The following NEDD1 variants were observed in gnomAD, a reference collection of about 807,000 sequenced individuals.
NEDD1 encodes the protein protein NEDD1.
In NEDD1, 33 loss-of-function variants were observed where a neutral mutation model predicts 74.0. The observed-to-expected ratio is 0.45, with a 90% confidence interval of 0.34 to 0.60. The LOEUF (loss-of-function observed/expected upper bound fraction) is 0.60. Among genes scored for constraint, NEDD1 ranks in the 20% least tolerant of loss-of-function variants. The probability of loss-of-function intolerance (pLI) is 0.01; values close to 1 mark genes in which losing one functional copy is unlikely to be tolerated. For missense variants in NEDD1, 746 were observed against 776.5 expected, an observed-to-expected ratio of 0.96 and a Z score of 0.47; for synonymous variants, 250 against 264.4, an observed-to-expected ratio of 0.95 and a Z score of 0.53.
At chr12:96,916,497 T>G (rs1054639611) in intron 4 of NEDD1, among the ~76,000 whole-genome samples, 1 of 132,734 alleles carries the variant, frequency 7.5e-6, no homozygotes, top group African/African-American at 2.9e-5. Context: ...TGAGTGAGAA[T>G]ATGCGGTGTT....
intron 9 of NEDD1, among the ~76,000 whole-genome samples, chr12:96,939,521 T>C (rs1026298716): frequency 6.6e-6 from 1 of 152,064 alleles, no homozygotes; most frequent in Non-Finnish European, 1.5e-5. Flanking sequence ...GTTCTTTGTT[T>C]TCATCTCAGA....
At position 96,937,184 on chromosome 12, in the gene NEDD1, C is replaced by T. The variant is rs1288650342; in HGVS notation, c.922-14C>T. 3.3e-6 allele frequency: 5 copies of T among 1,492,626 alleles called. No individual in the cohort carries two copies. Among genetic ancestry groups the T allele is most frequent in the African/African-American group, 1.4e-5 (1 of 70,606 alleles). The allele number at this position is 1,492,626 out of a possible 1,614,324, so 92.5% of individuals were successfully genotyped here. On this transcript the variant is annotated splice_polypyrimidine_tract_variant and intron_variant, in intron 8 of 15. Coordinates refer to ENST00000266742, the MANE Select transcript of NEDD1 (RefSeq NM_152905.4). ...TTAGTAACCTGAGCTTTTAAATATT[C>T]CATTACATTTCAGTCAAGTTTAAAT...
chr12:96,933,709 T>G (rs1286734795), intron 6 of NEDD1, among the ~76,000 whole-genome samples: 2 of 152,178 alleles, frequency 1.3e-5, no homozygotes, highest in African/African-American at 4.8e-5. Context: ...CTAGACATTT[T>G]TTGTTGTTGT....
chr12:96,932,515 T>TTA (rs1408391711), intron 6 of NEDD1, among the ~76,000 whole-genome samples: 1 of 97,916 alleles, frequency 1.0e-5, no homozygotes, highest in Admixed American at 1.3e-4. Context: ...GTAAATATAT[T>TTA]TATATATATA....
intron 9 of NEDD1, among the ~76,000 whole-genome samples, chr12:96,937,607 A>G (rs1449092056): frequency 1.3e-5 from 2 of 152,110 alleles, no homozygotes; most frequent in Non-Finnish European, 2.9e-5. Flanking sequence ...CTTATTGTTT[A>G]GCTAAACTTC....
chr12:96,930,203 ACACACACACTCTCTCTCTCTCTCT>A (rs1222051108), intron 6 of NEDD1, among the ~76,000 whole-genome samples: 2 of 67,236 alleles, frequency 3.0e-5, no homozygotes, highest in African/African-American at 1.1e-4. Context: ...ACACACACAC[ACACACACACTCTCTCTCTCTCTCT>A]CTCTCTCTCT....
Position 96,945,868 on chromosome 12 carries a change from C to T in NEDD1, c.1811+19C>T, listed in dbSNP as rs751820965. 14 of 1,518,892 alleles carry T rather than the reference C, an allele frequency of 9.2e-6. No individual in the cohort carries two copies. The highest frequency in any genetic ancestry group is 1.2e-5 in the Non-Finnish European group (13 of 1,099,338). 94.1% of individuals were successfully genotyped at this position (1,518,892 alleles called of 1,614,324 possible). On this transcript the variant is annotated intron_variant, in intron 14 of 15. Coordinates refer to ENST00000266742, the MANE Select transcript of NEDD1 (RefSeq NM_152905.4). ...ACTTTAGGTAGTAATTGAGAAACTA[C>T]TCCTTCTATCTAGACCTTACTTGTT...
In NEDD1 at chr12:96,907,541, T is replaced by A. The variant is rs1592845255; in HGVS notation, c.-261-63T>A. 9.8e-6 allele frequency: 14 copies of A among 1,432,574 alleles called. 1 individual carries two copies. The East Asian group carries it at 3.5e-4, about 36-fold the overall frequency. 88.7% of individuals were successfully genotyped at this position (1,432,574 alleles called of 1,614,324 possible). On this transcript the variant is annotated intron_variant, in intron 1 of 15. Coordinates refer to ENST00000266742, the MANE Select transcript of NEDD1 (RefSeq NM_152905.4). Reference sequence around the variant, plus strand: ...TGTGGGGTGTGCTGCCTCCGAAAAGTTTGCCTCGTCTCCACAAGTCTGTCT... The same window carrying A: ...TGTGGGGTGTGCTGCCTCCGAAAAGATTGCCTCGTCTCCACAAGTCTGTCT...
intron 11 of NEDD1, 38 bp from the exon 12 acceptor site, chr12:96,943,522 A>T: frequency 1.4e-6 from 2 of 1,402,752 alleles, no homozygotes; most frequent in Non-Finnish European, 2.0e-6. Context: ...CCAAAATTGG[A>T]GGACACCATA....
chr12:96,938,556 A>G (rs1877357674), intron 9 of NEDD1, among the ~76,000 whole-genome samples: 1 of 152,068 alleles, frequency 6.6e-6, no homozygotes, highest in Admixed American at 6.6e-5. Flanking sequence ...ATTAATTTGC[A>G]AATCAAAGGC....
Position 96,907,687 on chromosome 12 carries a change from G to T in NEDD1, c.-178G>T. On this transcript the variant is annotated 5_prime_UTR_variant, in exon 2 of 16. Transcript: ENST00000266742. ...GTATTTTTGGTGATTGAAAGTTGGA[G>T]AACTTTCATTTCAGCTGAGTGGTGT... 4 of 1,550,672 alleles carry T rather than the reference G, an allele frequency of 2.6e-6. No individual in the cohort carries two copies. Among genetic ancestry groups the T allele is most frequent in the Non-Finnish European group, 3.5e-6 (4 of 1,146,238 alleles).
intron 14 of NEDD1, among the ~76,000 whole-genome samples, chr12:96,950,733 G>A (rs78174451): frequency 0.028 from 4,221 of 151,812 alleles, 118 homozygotes; most frequent in African/African-American, 0.074. Context: ...TTCTTTCTTG[G>A]GCTTTTTCCC....
chr12:96,926,524 T>A (rs1322960571), intron 6 of NEDD1, among the ~76,000 whole-genome samples: 1 of 152,060 alleles, frequency 6.6e-6, no homozygotes, highest in East Asian at 1.9e-4. Flanking sequence ...TTTCCTTTTA[T>A]GGGCAGCATA....
intron 3 of NEDD1, among the ~76,000 whole-genome samples, chr12:96,911,224 C>G (rs1873886995): frequency 1.3e-5 from 2 of 152,104 alleles, no homozygotes; most frequent in South Asian, 4.1e-4. Context: ...TTCCCTCTTA[C>G]TATATAAGAG....
intron 2 of NEDD1, among the ~76,000 whole-genome samples, chr12:96,908,146 T>A (rs1873522658): frequency 1.3e-5 from 2 of 152,214 alleles, no homozygotes; most frequent in South Asian, 4.1e-4. Context: ...TACACATGTT[T>A]AAGGCTCCAA....
chr12:96,948,382 T>C (rs1331460927), intron 14 of NEDD1, among the ~76,000 whole-genome samples: 2 of 152,186 alleles, frequency 1.3e-5, no homozygotes, highest in African/African-American at 4.8e-5. Context: ...AAAATCTTAT[T>C]AAAATTTCAG....
At chr12:96,944,887 A>G (rs1878045568) in intron 13 of NEDD1, 92 bp downstream of exon 13, 1 of 964,700 alleles carries the variant, frequency 1.0e-6, no homozygotes. Flanking sequence ...GAGTAATCAT[A>G]GACTAAAAAT....
At chr12:96,930,641 C>A (rs916445447) in intron 6 of NEDD1, among the ~76,000 whole-genome samples, 1 of 152,146 alleles carries the variant, frequency 6.6e-6, no homozygotes, top group Non-Finnish European at 1.5e-5. Flanking sequence ...AGCTGTGGTT[C>A]AGCCTTAAAC....
At chr12:96,926,126 G>A (rs971861383) in intron 6 of NEDD1, among the ~76,000 whole-genome samples, 4 of 151,976 alleles carry the variant, frequency 2.6e-5, no homozygotes, top group Non-Finnish European at 5.9e-5. Flanking sequence ...ATTACTGTGA[G>A]CTTTTAATGA....
Sources: gnomAD v4.1 joint callset for allele counts (sites outside exome capture counted in the v4.1 genomes callset) on GRCh38, gnomAD v4.1.1 for gene constraint, MANE v1.5 for transcripts, NCBI Gene and HGNC (gene_info 2026-07-23, HGNC 2026-07-21) for gene names.